Variants in PSMA1 observed in about 807,000 individuals in gnomAD.
PSMA1 encodes the protein proteasome subunit alpha type-1.
A neutral mutation model predicts 38.4 loss-of-function variants in PSMA1; 3 were observed. The ratio of observed to expected loss-of-function variants is 0.08; its 90% confidence interval spans 0.04 to 0.20. The LOEUF (loss-of-function observed/expected upper bound fraction) is 0.20, where lower values mean the gene tolerates loss of function less well. Among genes scored for constraint, PSMA1 ranks in the 10% least tolerant of loss-of-function variants. The pLI is 1.00. For synonymous variants in PSMA1, 101 were observed against 107.1 expected (o/e 0.94, Z 0.35); for missense variants, 227 against 325.3 (o/e 0.70, Z 2.32).
intron 2 of PSMA1, among the ~76,000 whole-genome samples, chr11:14,553,471 A>G (rs139194667): frequency 5.3e-5 from 8 of 152,270 alleles, no homozygotes; most frequent in Admixed American, 1.3e-4. Context: ...CTATGGTCAC[A>G]CCTGTACTGC....
At chr11:14,552,820 CTTTT>C (rs34932699) in intron 2 of PSMA1, among the ~76,000 whole-genome samples, 4 of 122,014 alleles carry the variant, frequency 3.3e-5, no homozygotes, top group Admixed American at 8.3e-5. Flanking sequence ...GCTTATATAA[CTTTT>C]TTTTTTTTTT....
chr11:14,571,348 C>A (rs907750883), intron 2 of PSMA1, among the ~76,000 whole-genome samples: 6 of 152,152 alleles, frequency 3.9e-5, no homozygotes, highest in Non-Finnish European at 7.3e-5. Flanking sequence ...CAGGCATGAG[C>A]CATCGTGCCA....
At chr11:14,641,631 C>G (rs760743277) in intron 1 of PSMA1, among the ~76,000 whole-genome samples, 1 of 152,198 alleles carries the variant, frequency 6.6e-6, no homozygotes, top group Admixed American at 6.5e-5. Flanking sequence ...TGAATGACAG[C>G]TAAAAGGCGG....
At chr11:14,545,790 T>A (rs1213592119) in intron 2 of PSMA1, among the ~76,000 whole-genome samples, 1 of 152,232 alleles carries the variant, frequency 6.6e-6, no homozygotes, top group Non-Finnish European at 1.5e-5. Context: ...TGATTTCCAC[T>A]GGTGAAAGTC....
chr11:14,640,133 C>T (rs185371085), intron 1 of PSMA1, among the ~76,000 whole-genome samples: 7 of 151,780 alleles, frequency 4.6e-5, no homozygotes, highest in Non-Finnish European at 1.0e-4. Flanking sequence ...GGGGATGGTA[C>T]GTAGGAGAAG....
intron 2 of PSMA1, among the ~76,000 whole-genome samples, chr11:14,591,883 G>C (rs539839680): frequency 1.3e-5 from 2 of 152,096 alleles, no homozygotes; most frequent in Non-Finnish European, 2.9e-5. Flanking sequence ...TCCACACTGT[G>C]GAAGGTTTGT....
chr11:14,635,900 A>C (rs985917764), intron 1 of PSMA1, among the ~76,000 whole-genome samples: 1 of 152,228 alleles, frequency 6.6e-6, no homozygotes, highest in Non-Finnish European at 1.5e-5. Context: ...GGATAGCACT[A>C]TGAATACAAA....
chr11:14,507,545 A>G (rs577561367), intron 9 of PSMA1, 111 bp downstream of exon 9: 2 of 745,726 alleles, frequency 2.7e-6, no homozygotes, highest in Non-Finnish European at 4.6e-6. Flanking sequence ...TGCCATTTGA[A>G]TTATGGGCCC....
intron 1 of PSMA1, chr11:14,520,082 G>A (rs1244441447): frequency 4.1e-5 from 28 of 686,742 alleles, no homozygotes; most frequent in Non-Finnish European, 6.4e-5. Context: ...AGGCTCCCCG[G>A]GAAGCGAAAG....
At chr11:14,572,790 A>G (rs1852162389) in intron 2 of PSMA1, among the ~76,000 whole-genome samples, 2 of 152,220 alleles carry the variant, frequency 1.3e-5, no homozygotes, top group South Asian at 4.1e-4. Flanking sequence ...AGAAGAAAAG[A>G]GAGAAGAATC....
At chr11:14,614,282 T>G (rs906287669) in intron 1 of PSMA1, among the ~76,000 whole-genome samples, 1 of 152,178 alleles carries the variant, frequency 6.6e-6, no homozygotes, top group Non-Finnish European at 1.5e-5. Context: ...TGGTAAGAAG[T>G]GTCATCAGTG....
chr11:14,573,691 G>C (rs1852177240), intron 2 of PSMA1, among the ~76,000 whole-genome samples: 1 of 152,070 alleles, frequency 6.6e-6, no homozygotes, highest in Non-Finnish European at 1.5e-5. Flanking sequence ...AGAAATAAAG[G>C]GTATTCAATT....
At chr11:14,511,490 AT>A (rs1851342227) in intron 7 of PSMA1, among the ~76,000 whole-genome samples, 1 of 148,262 alleles carries the variant, frequency 6.7e-6, no homozygotes, top group Admixed American at 7.0e-5. Flanking sequence ...TATCCCAAGA[AT>A]AAGTTAGTTT....
At chr11:14,583,828 G>A (rs2134184684) in intron 2 of PSMA1, among the ~76,000 whole-genome samples, 2 of 152,304 alleles carry the variant, frequency 1.3e-5, no homozygotes, top group Middle Eastern at 6.8e-3. Context: ...CACCTGTTAG[G>A]TTGTGGTAGA....
At chr11:14,572,704 C>CA (rs1268393780) in intron 2 of PSMA1, among the ~76,000 whole-genome samples, 3 of 151,992 alleles carry the variant, frequency 2.0e-5, no homozygotes, top group Non-Finnish European at 4.4e-5. Context: ...AAAAACCCTT[C>CA]AAAAAATCAA....
intron 1 of PSMA1, among the ~76,000 whole-genome samples, chr11:14,633,767 C>G (rs922146262): frequency 6.6e-6 from 1 of 152,292 alleles, no homozygotes; most frequent in South Asian, 2.1e-4. Flanking sequence ...TGATCTCAGA[C>G]TGCTGTGCTA....
chr11:14,506,720 T>C (rs1851249893), intron 9 of PSMA1, among the ~76,000 whole-genome samples: 1 of 152,200 alleles, frequency 6.6e-6, no homozygotes, highest in African/African-American at 2.4e-5. Context: ...GTGACTCACT[T>C]TAACCAACAG....
intron 2 of PSMA1, among the ~76,000 whole-genome samples, chr11:14,605,172 T>C (rs1470539466): frequency 6.6e-6 from 1 of 152,186 alleles, no homozygotes; most frequent in Non-Finnish European, 1.5e-5. Flanking sequence ...CCATCAACAG[T>C]GTATAAGTGC....
chr11:14,633,672 C>A (rs529749218), intron 1 of PSMA1, among the ~76,000 whole-genome samples: 4 of 152,326 alleles, frequency 2.6e-5, no homozygotes, highest in Non-Finnish European at 5.9e-5. Context: ...CCACCCAGTT[C>A]GAGCTTCCTG....
Sources: gnomAD v4.1 joint callset for allele counts (sites outside exome capture counted in the v4.1 genomes callset) on GRCh38, gnomAD v4.1.1 for gene constraint, MANE v1.5 for transcripts, NCBI Gene and HGNC (gene_info 2026-07-23, HGNC 2026-07-21) for gene names.